The following ARHGEF10 variants were observed in gnomAD, a reference collection of about 807,000 sequenced individuals.
ARHGEF10 encodes Rho guanine nucleotide exchange factor (GEF) 10.
ARHGEF10 carries 140 observed loss-of-function variants against 147.4 expected under a neutral mutation model. The ratio of observed to expected loss-of-function variants is 0.95; its 90% CI spans 0.83 to 1.09. The LOEUF (loss-of-function observed/expected upper bound fraction) is 1.09, where lower values mean the gene tolerates loss of function less well. Ranked by LOEUF, ARHGEF10 falls within the 50% of genes least tolerant of loss-of-function variation. The pLI is 0.00. For missense variants in ARHGEF10, 2,222 were observed against 1,752.7 expected (o/e 1.27, Z -4.78); for synonymous variants, 902 against 695.8 (o/e 1.30, Z -4.67).
chr8:1,880,025 G>A, intron 8 of ARHGEF10, 23 bp from the exon 9 acceptor site: 1 of 1,529,288 alleles, frequency 6.5e-7, no homozygotes, highest in African/African-American at 1.4e-5. Flanking sequence ...TTTGTGAAAA[G>A]ACTGTGTCTC....
intron 8 of ARHGEF10, 111 bp downstream of exon 8, chr8:1,876,845 T>A: frequency 8.0e-7 from 1 of 1,252,022 alleles, no homozygotes; most frequent in Non-Finnish European, 1.2e-6. Context: ...GTTAAGATGC[T>A]GATAAGTAGT....
chr8:1,851,797 C>T (rs1170636801), intron 2 of ARHGEF10, among the ~76,000 whole-genome samples: 1 of 152,014 alleles, frequency 6.6e-6, no homozygotes, highest in Non-Finnish European at 1.5e-5. Flanking sequence ...GCCTGTAGTC[C>T]TGGCTGCTTG....
Position 1,958,069 on chromosome 8 carries a change from G to T in ARHGEF10, c.*806G>T, listed in dbSNP as rs1157717379. On this transcript the variant is annotated 3_prime_UTR_variant, in exon 29 of 29. Coordinates refer to ENST00000349830, the MANE Select transcript of ARHGEF10 (RefSeq NM_014629.4). ...TAGAGTGACTATCCACAGGAGAAAA[G>T]TGTGTGCTTTAGTATTAGAGGAGAT... The T allele has an allele frequency of 2.0e-5, 3 of 152,232 alleles. No individual in the cohort carries two copies. The highest frequency in any genetic ancestry group is 7.2e-5 in the African/African-American group (3 of 41,458). 9.4% of individuals were successfully genotyped at this position (152,232 alleles called of 1,614,324 possible).
At chr8:1,838,470 T>C (rs78799464) in intron 1 of ARHGEF10, among the ~76,000 whole-genome samples, 8,671 of 152,310 alleles carry the variant, frequency 0.057, 369 homozygotes, top group African/African-American at 0.11. Flanking sequence ...GCCATCCCTT[T>C]CTCTGCACTC....
chr8:1,864,233 A>T, intron 4 of ARHGEF10, 140 bp from the exon 5 acceptor site: 1 of 813,472 alleles, frequency 1.2e-6, no homozygotes, highest in Non-Finnish European at 2.1e-6. Context: ...AAAAATTTTT[A>T]AGTTTATTAA....
intron 13 of ARHGEF10, among the ~76,000 whole-genome samples, chr8:1,895,420 T>C (rs1563249543): frequency 6.6e-6 from 1 of 152,256 alleles, no homozygotes; most frequent in African/African-American, 2.4e-5. Flanking sequence ...TGAAATGTTT[T>C]CCTATATAGT....
intron 12 of ARHGEF10, 26 bp from the exon 13 acceptor site, chr8:1,894,367 A>G: frequency 6.2e-7 from 1 of 1,613,836 alleles, no homozygotes; most frequent in Non-Finnish European, 8.5e-7. Flanking sequence ...GAAAAGTCTG[A>G]ACTGTCTTTG....
intron 1 of ARHGEF10, among the ~76,000 whole-genome samples, chr8:1,835,242 A>T (rs1803510179): frequency 6.6e-6 from 1 of 152,196 alleles, no homozygotes; most frequent in African/African-American, 2.4e-5. Context: ...CGAGTGCCGG[A>T]CAGGGCTGAG....
chr8:1,858,886 C>A, intron 3 of ARHGEF10: 1 of 180,178 alleles, frequency 5.6e-6, no homozygotes, highest in Non-Finnish European at 1.2e-5. Flanking sequence ...GGGTGCAGCA[C>A]CAGCCTCTCG....
chr8:1,903,445 G>A lies in ARHGEF10; in HGVS notation c.1815G>A (p.Leu605=), dbSNP rs1279631580. ...QIAKAINERY[L]NKLLSSGSRY... ...CCAAAGCCATAAACGAAAGATACCT[G>A]AACAAGGTTGAGAGAGGTTTTCTTC... Residue 605 remains leucine, a synonymous_variant, in exon 16 of 29, where the codon CTG becomes CTA. Coordinates refer to ENST00000349830, the MANE Select transcript of ARHGEF10 (RefSeq NM_014629.4). 1 of 1,614,104 alleles carries A rather than the reference G, an allele frequency of 6.2e-7. No homozygotes were observed. Among genetic ancestry groups the A allele is most frequent in the East Asian group, 2.2e-5 (1 of 44,888 alleles).
Position 1,957,312 on chromosome 8 carries a change from C to T in ARHGEF10, c.*49C>T, listed in dbSNP as rs1309501598. 13 of 1,582,690 alleles carry T rather than the reference C, an allele frequency of 8.2e-6. No homozygotes were observed. The East Asian group carries it at 3.0e-4, about 36-fold the overall frequency. On this transcript the variant is annotated 3_prime_UTR_variant, in exon 29 of 29. Transcript: ENST00000349830. ...CAGAATTTGCAATCAAGGGTGACTT[C>T]TCAGCTAATCCTACAGCCTGAGTGG...
Position 1,948,977 on chromosome 8 carries a change from A to C in ARHGEF10, c.3397+3322A>C, listed in dbSNP as rs781748772. 6.6e-6 allele frequency among the ~76,000 whole-genome samples: 1 copy of C among 151,682 alleles called. No individual in the cohort carries two copies. Among genetic ancestry groups the C allele is most frequent in the Non-Finnish European group, 1.5e-5 (1 of 67,980 alleles). ...CTGTTCGCACACACACAAAACCTTC[A>C]TTCTAGAGTTGTATTCATGACGATG... On this transcript the variant is annotated intron_variant, in intron 27 of 28. Transcript: ENST00000349830. This position sits in a 1 kb window ranked among gnomAD's most constrained non-coding sequence, Gnocchi z 4.9.
At position 1,923,786 on chromosome 8, in the gene ARHGEF10, G is replaced by A. The variant is rs753081855; in HGVS notation, c.2400G>A (p.Pro800=). ...LPGKQDKSGR[P]TFFTAVFNTF... Reference sequence around the variant, plus strand: ...TTGTTTCTGGCAGATCTGGGCGACCGACGTTCTTTACAGCTGTGTTCAATA... The same window carrying A: ...TTGTTTCTGGCAGATCTGGGCGACCAACGTTCTTTACAGCTGTGTTCAATA... Residue 800 remains proline (P), a synonymous_variant, in exon 21 of 29, where the codon CCG becomes CCA. Transcript: ENST00000349830. 2.1e-5 allele frequency: 34 copies of A among 1,614,028 alleles called. No homozygotes were observed. Among genetic ancestry groups the A allele is most frequent in the African/African-American group, 2.7e-5 (2 of 74,904 alleles).
intron 2 of ARHGEF10, among the ~76,000 whole-genome samples, chr8:1,850,630 G>T (rs1263347131): frequency 1.3e-5 from 2 of 152,212 alleles, no homozygotes; most frequent in Non-Finnish European, 2.9e-5. Context: ...GCGTGGGAGG[G>T]CAGTTTGGTG....
chr8:1,875,700 T>A (rs2129108119), intron 7 of ARHGEF10, among the ~76,000 whole-genome samples: 1 of 152,342 alleles, frequency 6.6e-6, no homozygotes, highest in East Asian at 1.9e-4. Flanking sequence ...ATAGGGTAAT[T>A]TGAAATATCT....
At chr8:1,922,684 C>T (rs1421764722) in intron 18 of ARHGEF10, among the ~76,000 whole-genome samples, 2 of 152,142 alleles carry the variant, frequency 1.3e-5, no homozygotes, top group East Asian at 1.9e-4. Flanking sequence ...CCGGATTTGA[C>T]GGTCATGATA....
chr8:1,916,893 C>T (rs1315565002), intron 18 of ARHGEF10, among the ~76,000 whole-genome samples: 3 of 152,216 alleles, frequency 2.0e-5, no homozygotes, highest in Admixed American at 2.0e-4. Flanking sequence ...TCTCTCCAGC[C>T]TTTTCCTCAC....
chr8:1,929,731 C>A (rs1165786536), intron 25 of ARHGEF10, among the ~76,000 whole-genome samples: 3 of 152,214 alleles, frequency 2.0e-5, no homozygotes, highest in Non-Finnish European at 1.5e-5. Context: ...CCGGGCCATG[C>A]AGAGCCTCCT....
chr8:1,899,931 C>T (rs1810317780), intron 15 of ARHGEF10, among the ~76,000 whole-genome samples: 1 of 152,124 alleles, frequency 6.6e-6, no homozygotes, highest in Admixed American at 6.5e-5. Context: ...AGGCTGTGAA[C>T]CATACGGGCG....
Sources: allele counts gnomAD v4.1 joint callset (sites outside exome capture counted in the v4.1 genomes callset), GRCh38; gene constraint gnomAD v4.1.1; non-coding constraint Gnocchi (gnomAD v3.1); transcripts MANE v1.5; gene names NCBI Gene and HGNC (gene_info 2026-07-23, HGNC 2026-07-21).